ACVR1C: variants seen among roughly 807,000 people sequenced by gnomAD.
ACVR1C encodes activin receptor type-1C.
ACVR1C carries 23 observed loss-of-function variants against 57.9 expected under a neutral mutation model. The observed-to-expected ratio is 0.40, with a 90% CI of 0.29 to 0.56. The LOEUF (loss-of-function observed/expected upper bound fraction) is 0.56. Ranked by LOEUF, ACVR1C falls within the 20% of genes least tolerant of loss-of-function variation. The probability of loss-of-function intolerance (pLI) is 0.50; values close to 1 mark genes in which losing one functional copy is unlikely to be tolerated. For synonymous variants in ACVR1C, 214 were observed against 215.3 expected (o/e 0.99, Z 0.05); for missense variants, 480 against 607.9 (o/e 0.79, Z 2.21).
intron 1 of ACVR1C, among the ~76,000 whole-genome samples, chr2:157,592,278 G>A (rs1216063710): frequency 1.3e-5 from 2 of 151,938 alleles, no homozygotes; most frequent in Non-Finnish European, 2.9e-5. Context: ...AGCACTACTG[G>A]CTCCTTATAA....
At chr2:157,554,263 G>T (rs1688017145) in intron 3 of ACVR1C, among the ~76,000 whole-genome samples, 1 of 127,614 alleles carries the variant, frequency 7.8e-6, no homozygotes, top group Non-Finnish European at 1.6e-5. Context: ...AAGAAAGAAA[G>T]AAAGAAAGGA....
chr2:157,592,506 T>A (rs1330281618), intron 1 of ACVR1C, among the ~76,000 whole-genome samples: 1 of 152,088 alleles, frequency 6.6e-6, no homozygotes, highest in African/African-American at 2.4e-5. Context: ...GATAATGGCT[T>A]CAAACATCTG....
chr2:157,587,334 T>G lies in ACVR1C; in HGVS notation c.157A>C (p.Thr53Pro). 1 of 1,613,722 alleles carries G rather than the reference T, an allele frequency of 6.2e-7. No homozygotes were observed. Among genetic ancestry groups the G allele is most frequent in the Non-Finnish European group, 8.5e-7 (1 of 1,179,672 alleles). Residue 53 changes from threonine to proline, a missense_variant, in exon 2 of 9, where the codon ACC becomes CCC. Transcript: ENST00000243349. Reference sequence around the variant, plus strand: ...TTGATCACCTGCTCTTTTCCATTGGTTAGCATGACTGATGCCCAACATGCT... The same window carrying G: ...TTGATCACCTGCTCTTTTCCATTGGGTAGCATGACTGATGCCCAACATGCT... ...EGACWASVMLTNGKEQVIKSC... is the reference protein window; with the variant it reads ...EGACWASVMLPNGKEQVIKSC...
At position 157,611,966 on chromosome 2, in the gene ACVR1C, G is replaced by C. The variant is rs116747503; in HGVS notation, c.73+16606C>G. 5.1e-3 allele frequency among the ~76,000 whole-genome samples: 772 copies of C among 152,310 alleles called. 7 individuals carry two copies. The highest frequency in any genetic ancestry group is 0.017 in the African/African-American group (690 of 41,568). Reference sequence around the variant, plus strand: ...TGACTCCAGGACTCATTCTAGAGCAGAGCATTCATGCTATTGGGATAAATG... The same window carrying C: ...TGACTCCAGGACTCATTCTAGAGCACAGCATTCATGCTATTGGGATAAATG... On this transcript the variant is annotated intron_variant, in intron 1 of 8. Transcript: ENST00000243349.
chr2:157,625,683 T>C (rs1253384364), intron 1 of ACVR1C, among the ~76,000 whole-genome samples: 4 of 152,236 alleles, frequency 2.6e-5, no homozygotes, highest in African/African-American at 9.6e-5. Context: ...AAGGAAATAT[T>C]TATTCCATTT....
At chr2:157,614,409 T>C (rs1682597855) in intron 1 of ACVR1C, among the ~76,000 whole-genome samples, 1 of 152,188 alleles carries the variant, frequency 6.6e-6, no homozygotes, top group African/African-American at 2.4e-5. Flanking sequence ...GTTTGTTCTA[T>C]GCCCCCACAA....
At chr2:157,545,763 A>T (rs1024301613) in intron 4 of ACVR1C, among the ~76,000 whole-genome samples, 1 of 152,070 alleles carries the variant, frequency 6.6e-6, no homozygotes, top group African/African-American at 2.4e-5. Context: ...TATTATTACT[A>T]TTATTTTATT....
intron 1 of ACVR1C, among the ~76,000 whole-genome samples, chr2:157,625,406 C>T (rs1573962951): frequency 6.6e-6 from 1 of 152,124 alleles, no homozygotes; most frequent in Non-Finnish European, 1.5e-5. Flanking sequence ...AGATGTCTTC[C>T]TTGGAACCAG....
chr2:157,574,352 A>G (rs1038150014), intron 2 of ACVR1C, among the ~76,000 whole-genome samples: 2 of 152,120 alleles, frequency 1.3e-5, no homozygotes, highest in African/African-American at 4.8e-5. Flanking sequence ...CCTTGGACCC[A>G]TTTTATGAGG....
intron 3 of ACVR1C, 130 bp from the exon 4 acceptor site, chr2:157,550,522 A>AT (rs1687889265): frequency 1.3e-6 from 1 of 788,472 alleles, no homozygotes. Flanking sequence ...TTTTGAAGGA[A>AT]TAAGTACCAT....
chr2:157,609,921 A>G (rs952740826), intron 1 of ACVR1C, among the ~76,000 whole-genome samples: 3 of 152,040 alleles, frequency 2.0e-5, no homozygotes, highest in Non-Finnish European at 4.4e-5. Flanking sequence ...GCCAGTCTGT[A>G]TCTTTCAAGT....
chr2:157,621,671 C>T lies in ACVR1C; in HGVS notation c.73+6901G>A, dbSNP rs376550562. Reference sequence around the variant, plus strand: ...TTTCCACAGACTTTCTACTTTTTCCCTCACCTAGCAGTCGCCCCTGAAATT... The same window carrying T: ...TTTCCACAGACTTTCTACTTTTTCCTTCACCTAGCAGTCGCCCCTGAAATT... On this transcript the variant is annotated intron_variant, in intron 1 of 8. Coordinates refer to ENST00000243349, the MANE Select transcript of ACVR1C (RefSeq NM_145259.3). Among the ~76,000 whole-genome samples, 14 of 152,256 alleles carry T rather than the reference C, an allele frequency of 9.2e-5. No homozygotes were observed. The East Asian group carries it at 2.7e-3, about 29-fold the overall frequency.
At chr2:157,605,238 T>C (rs961488829) in intron 1 of ACVR1C, among the ~76,000 whole-genome samples, 2 of 151,760 alleles carry the variant, frequency 1.3e-5, no homozygotes, top group African/African-American at 4.8e-5. Flanking sequence ...TCTATTCTGT[T>C]GATCAATGTG....
Position 157,533,943 on chromosome 2 carries a change from C to T in ACVR1C, c.1457G>A (p.Cys486Tyr), listed in dbSNP as rs762730619. Residue 486 changes from cysteine to tyrosine, a missense_variant, in exon 9 of 9, where the codon TGT becomes TAT. Physicochemically the swap from Cys to Tyr is radical, Grantham distance 194. Transcript: ENST00000243349. ...TTAGGCTTTGCAGTCTTCTTTGACA[C>T]AAAGTTGAGATATAGTCTTCTTAAT... ...LRIKKTISQL[C>Y]VKEDCKA is the part of the protein sequence containing the mutation. 1 of 1,583,296 alleles carries T rather than the reference C, an allele frequency of 6.3e-7. No homozygotes were observed. Among genetic ancestry groups the T allele is most frequent in the South Asian group, 1.2e-5 (1 of 85,332 alleles).
At chr2:157,549,368 AAAAC>A (rs1375638779) in intron 4 of ACVR1C, among the ~76,000 whole-genome samples, 1 of 152,134 alleles carries the variant, frequency 6.6e-6, no homozygotes, top group Non-Finnish European at 1.5e-5. Context: ...CTGTCTCAAT[AAAAC>A]AAACAAAAAG....
In ACVR1C at chr2:157,556,264, G is replaced by A. The variant is rs1688097961; in HGVS notation, c.373C>T (p.Leu125=). The change falls in exon 3 of 9, where the codon CTG becomes TTG. Residue 125 remains leucine, a synonymous_variant. Coordinates refer to ENST00000243349, the MANE Select transcript of ACVR1C (RefSeq NM_145259.3). ...ACTGTCAGCATCGCAGCTATGGACAGGAGGCAAACAGGCACAGTAATAATG... is the reference window on the plus strand; with the variant it reads ...ACTGTCAGCATCGCAGCTATGGACAAGAGGCAAACAGGCACAGTAATAATG... ...AIIITVPVCL[L]SIAAMLTVWA... The A allele has an allele frequency of 1.2e-6, 2 of 1,614,082 alleles. No individual in the cohort carries two copies. The highest frequency in any genetic ancestry group is 2.2e-5 in the East Asian group (1 of 44,898).
intron 1 of ACVR1C, among the ~76,000 whole-genome samples, chr2:157,587,783 C>A (rs1342462245): frequency 2.0e-5 from 3 of 152,052 alleles, no homozygotes; most frequent in Non-Finnish European, 4.4e-5. Flanking sequence ...AGCTGTCCAG[C>A]AATACTCATA....
intron 4 of ACVR1C, among the ~76,000 whole-genome samples, chr2:157,549,829 CAAAAAAA>C (rs1173469291): frequency 3.7e-3 from 177 of 47,540 alleles, no homozygotes; most frequent in South Asian, 4.8e-3. Context: ...ACTAAAAATA[CAAAAAAA>C]AAAAAAAAAA....
intron 1 of ACVR1C, among the ~76,000 whole-genome samples, chr2:157,591,323 C>T (rs2105260665): frequency 6.6e-6 from 1 of 152,080 alleles, no homozygotes; most frequent in Non-Finnish European, 1.5e-5. Context: ...TCTCAGCCCT[C>T]ACTCTGTCAC....
Sources: allele counts gnomAD v4.1 joint callset (sites outside exome capture counted in the v4.1 genomes callset), GRCh38; gene constraint gnomAD v4.1.1; transcripts MANE v1.5; gene names NCBI Gene and HGNC (gene_info 2026-07-23, HGNC 2026-07-21).